LASP1: variants seen among roughly 807,000 people sequenced by gnomAD.
The protein encoded by LASP1 is LIM and SH3 protein 1.
A neutral mutation model predicts 38.6 loss-of-function variants in LASP1; 10 were observed. That is an observed-to-expected ratio of 0.26 (90% confidence interval 0.16 to 0.44). The LOEUF (loss-of-function observed/expected upper bound fraction) is 0.44. Among genes scored for constraint, LASP1 ranks in the 20% least tolerant of loss-of-function variants. The pLI, the probability that LASP1 is intolerant of heterozygous loss-of-function variation, is 1.00. For missense variants in LASP1, 243 were observed against 375.7 expected (o/e 0.65, Z 2.92); for synonymous variants, 132 against 140.8 (o/e 0.94, Z 0.44).
chr17:38,908,180 C>T (rs1282650449), intron 4 of LASP1, among the ~76,000 whole-genome samples: 1 of 152,248 alleles, frequency 6.6e-6, no homozygotes, highest in Admixed American at 6.5e-5. Flanking sequence ...CCTGCAGGCC[C>T]CCTGCTGGCA....
In LASP1 at chr17:38,906,793, C is replaced by T. The variant is rs138166755; in HGVS notation, c.358-7532C>T. Among the ~76,000 whole-genome samples, 26 of 152,246 alleles carry T rather than the reference C, an allele frequency of 1.7e-4. No individual in the cohort carries two copies. The East Asian group carries it at 4.6e-3, about 27-fold the overall frequency. Reference sequence around the variant, plus strand: ...TTTGTCATGGACCCTAACTTGTCATCCTGGAGTCCCAGCTAGTAGGGTCCT... The same window carrying T: ...TTTGTCATGGACCCTAACTTGTCATTCTGGAGTCCCAGCTAGTAGGGTCCT... On this transcript the variant is annotated intron_variant, in intron 4 of 6. Coordinates refer to ENST00000318008, the MANE Select transcript of LASP1 (RefSeq NM_006148.4).
chr17:38,875,080 TGTGTGTGTGA>T (rs1481424361), intron 1 of LASP1, among the ~76,000 whole-genome samples: 3 of 148,844 alleles, frequency 2.0e-5, no homozygotes, highest in Middle Eastern at 3.5e-3. Context: ...TGTGTGTGTG[TGTGTGTGTGA>T]GAAAGTGGGT....
intron 3 of LASP1, chr17:38,896,957 A>C (rs1016148659): frequency 1.0e-6 from 1 of 985,296 alleles, no homozygotes; most frequent in Non-Finnish European, 1.2e-6. Context: ...CTGGAGCTAC[A>C]TTTCTCTGCC....
At chr17:38,886,752 A>AGGC (rs1310034948) in intron 2 of LASP1, among the ~76,000 whole-genome samples, 1 of 151,588 alleles carries the variant, frequency 6.6e-6, no homozygotes, top group Non-Finnish European at 1.5e-5. Context: ...GGTGTCTTGG[A>AGGC]GGCGCCCATC....
intron 2 of LASP1, among the ~76,000 whole-genome samples, chr17:38,886,812 T>C (rs985562225): frequency 6.6e-6 from 1 of 152,022 alleles, no homozygotes; most frequent in African/African-American, 2.4e-5. Context: ...CACAGTGCAG[T>C]GTGTGTAGGA....
chr17:38,879,718 C>A (rs548357301), intron 2 of LASP1, among the ~76,000 whole-genome samples: 5 of 152,160 alleles, frequency 3.3e-5, no homozygotes, highest in Admixed American at 1.3e-4. Flanking sequence ...TTCCTTACCC[C>A]CTCCCGTTCC....
intron 3 of LASP1, among the ~76,000 whole-genome samples, chr17:38,890,897 A>T (rs1914297735): frequency 6.6e-6 from 1 of 152,260 alleles, no homozygotes; most frequent in Non-Finnish European, 1.5e-5. Context: ...CCAACCCTCT[A>T]TAGCCGCGTC....
chr17:38,914,920 G>A, intron 5 of LASP1, 123 bp from the exon 6 acceptor site: 1 of 844,876 alleles, frequency 1.2e-6, no homozygotes, highest in Non-Finnish European at 2.0e-6. Flanking sequence ...CAGCCTTTGA[G>A]CTGTGGGGCT....
At chr17:38,911,785 G>A (rs1321504033) in intron 4 of LASP1, among the ~76,000 whole-genome samples, 1 of 134,622 alleles carries the variant, frequency 7.4e-6, no homozygotes, top group African/African-American at 2.7e-5. Flanking sequence ...TTTATGACTT[G>A]TCTTTTTTTT....
At position 38,920,984 on chromosome 17, in the gene LASP1, C is replaced by T. The variant is rs1231961938; in HGVS notation, c.*2206C>T. On this transcript the variant is annotated 3_prime_UTR_variant, in exon 7 of 7. Coordinates refer to ENST00000318008, the MANE Select transcript of LASP1 (RefSeq NM_006148.4). The stretch of plus-strand genomic sequence containing the variant: ...GCCTGTTTTCACTCAGCTTAATTCT[C>T]CTTCCCAGATAAGGCAAGCCAGTCA... 8.6e-6 allele frequency: 2 copies of T among 232,320 alleles called. No individual in the cohort carries two copies. Among genetic ancestry groups the T allele is most frequent in the Non-Finnish European group, 1.7e-5 (2 of 117,314 alleles). The allele number at this position is 232,320 out of a possible 1,614,324, so 14.4% of individuals were successfully genotyped here.
At chr17:38,905,231 A>C (rs1457442230) in intron 4 of LASP1, among the ~76,000 whole-genome samples, 1 of 152,114 alleles carries the variant, frequency 6.6e-6, no homozygotes, top group Non-Finnish European at 1.5e-5. Context: ...TGCATCTTAG[A>C]ATGTGTGCTC....
At chr17:38,872,700 CAA>C (rs1297685105) in intron 1 of LASP1, among the ~76,000 whole-genome samples, 2 of 152,118 alleles carry the variant, frequency 1.3e-5, no homozygotes, top group South Asian at 2.1e-4. Flanking sequence ...CCATTTACAG[CAA>C]AAGAGTCAAA....
chr17:38,911,109 C>T (rs530253), intron 4 of LASP1, among the ~76,000 whole-genome samples: 105,614 of 151,980 alleles, frequency 0.69, 37,567 homozygotes, highest in African/African-American at 0.86. Context: ...CTGGGGTGTG[C>T]AGTGCTGTGG....
intron 4 of LASP1, among the ~76,000 whole-genome samples, chr17:38,899,930 A>G (rs968739890): frequency 6.6e-6 from 1 of 151,818 alleles, no homozygotes; most frequent in Non-Finnish European, 1.5e-5. Flanking sequence ...GGGTTTCACC[A>G]TGTTGGCCAG....
chr17:38,915,876 T>A (rs1441867076), intron 6 of LASP1: 1 of 152,138 alleles, frequency 6.6e-6, no homozygotes, highest in Non-Finnish European at 1.5e-5. Flanking sequence ...CCAGGCTGGG[T>A]GCCTGGGAAT....
intron 6 of LASP1, 36 bp downstream of exon 6, chr17:38,915,182 C>T (rs1567706270): frequency 1.3e-6 from 2 of 1,563,136 alleles, no homozygotes; most frequent in Non-Finnish European, 1.8e-6. Context: ...AGGCCAGAGG[C>T]AGGGGGTCCT....
rs150286266 is a variant in LASP1 at position 38,886,559 on chromosome 17, G to A, written c.165-3861G>A. 5.9e-3 allele frequency among the ~76,000 whole-genome samples: 896 copies of A among 152,230 alleles called. 13 individuals carry two copies. The highest frequency in any genetic ancestry group is 0.02 in the African/African-American group (822 of 41,534). ...TGATGGGATTAGCACTCCAGCTGTC[G>A]GGGGCTGAGACTAGGGGGAAGGGTG... is the stretch of plus-strand genomic sequence containing the variant. On this transcript the variant is annotated intron_variant, in intron 2 of 6. Transcript: ENST00000318008.
chr17:38,892,143 C>T (rs1371184225), intron 3 of LASP1, among the ~76,000 whole-genome samples: 1 of 152,198 alleles, frequency 6.6e-6, no homozygotes, highest in African/African-American at 2.4e-5. Context: ...TTAGTTAGTT[C>T]CCCTGTTTAT....
intron 2 of LASP1, among the ~76,000 whole-genome samples, chr17:38,879,673 GCCTTACCCCTAA>G (rs1244893285): frequency 6.6e-6 from 1 of 151,430 alleles, no homozygotes; most frequent in Non-Finnish European, 1.5e-5. Context: ...TAAACCTCCA[GCCTTACCCCTAA>G]CCTTACCCCA....
Sources: allele counts gnomAD v4.1 joint callset (sites outside exome capture counted in the v4.1 genomes callset), GRCh38; gene constraint gnomAD v4.1.1; transcripts MANE v1.5; gene names NCBI Gene and HGNC (gene_info 2026-07-23, HGNC 2026-07-21).